Variants in FRMD8 observed in about 807,000 individuals in gnomAD.
The protein encoded by FRMD8 is FERM domain containing 8, also known as FERM domain-containing protein 8.
FRMD8 carries 37 observed loss-of-function variants against 54.2 expected under a neutral mutation model. The observed-to-expected ratio is 0.68, with a 90% CI of 0.53 to 0.90. The LOEUF is 0.90. FRMD8 is among the 40% of genes least tolerant of loss of function. The pLI, the probability that FRMD8 is intolerant of heterozygous loss-of-function variation, is 0.00. For synonymous variants in FRMD8, 246 were observed against 286.9 expected (o/e 0.86, Z 1.44); for missense variants, 585 against 653.7 (o/e 0.89, Z 1.15).
chr11:65,376,994 G>C, the FRMD8 span: 13 of 1,613,498 alleles, frequency 8.1e-6, no homozygotes, highest in African/African-American at 4.0e-5. Context: ...GTACCGGGGT[G>C]GGGGGCTCCC....
At chr11:65,376,941 C>T in the FRMD8 span, 1 of 1,613,344 alleles carries the variant, frequency 6.2e-7, no homozygotes, top group Admixed American at 1.7e-5. Flanking sequence ...CCCCGGGGCC[C>T]CTCCTCCCGG....
intron 6 of FRMD8, among the ~76,000 whole-genome samples, chr11:65,395,722 C>T (rs180824142): frequency 2.6e-5 from 4 of 152,212 alleles, no homozygotes; most frequent in African/African-American, 4.8e-5. Context: ...TGTAGGTTGG[C>T]GTTTTCACGT....
At chr11:65,399,898 G>T in intron 8 of FRMD8, 39 bp downstream of exon 8, 1 of 1,584,170 alleles carries the variant, frequency 6.3e-7, no homozygotes, top group East Asian at 2.3e-5. Context: ...GAGGATGGGA[G>T]GGGGCTCCTG....
the FRMD8 span, among the ~76,000 whole-genome samples, chr11:65,371,577 G>T: frequency 6.6e-6 from 1 of 152,116 alleles, no homozygotes; most frequent in African/African-American, 2.4e-5. Context: ...AAGCAATTTC[G>T]CATGCCTTAT....
rs776802792 is a variant in FRMD8, at chr11:65,393,675, G to A, written c.355+1G>A. On this transcript the variant is annotated splice_donor_variant, in intron 4 of 10. Coordinates refer to ENST00000317568, the MANE Select transcript of FRMD8 (RefSeq NM_031904.5). LOFTEE classifies it high-confidence loss of function. The stretch of plus-strand genomic sequence containing the variant: ...GCCCCAGACGATGACGTGGCCATGG[G>A]TCAGTGCTGCTGCCTGTCTGTCCTT... 1 of 1,601,988 alleles carries A rather than the reference G, an allele frequency of 6.2e-7. No homozygotes were observed. Among genetic ancestry groups the A allele is most frequent in the Non-Finnish European group, 8.5e-7 (1 of 1,177,598 alleles).
upstream of FRMD8, chr11:65,382,528 A>C (rs528723120): frequency 2.8e-4 from 43 of 153,836 alleles, 1 homozygote; most frequent in South Asian, 7.2e-3. This position sits in a 1 kb window ranked among gnomAD's most constrained non-coding sequence, Gnocchi z 4.4. Context: ...GACTCCCCCG[A>C]CTCCCCCGTG....
chr11:65,379,644 G>C, the FRMD8 span: 4 of 1,412,966 alleles, frequency 2.8e-6, no homozygotes, highest in Non-Finnish European at 3.8e-6. Context: ...GCAGCCTCTG[G>C]CTGGAAACTG....
In FRMD8 at chr11:65,402,279, G is replaced by T. The variant is rs377234077; in HGVS notation, c.1071+1412G>T. On this transcript the variant is annotated intron_variant, in intron 9 of 10. Transcript: ENST00000317568. ...TGAGGCACGAGAATCACTTGAACTGGGGAGGCAGAGATTGTGGTAAGCCGA... is the reference window on the plus strand; with the variant it reads ...TGAGGCACGAGAATCACTTGAACTGTGGAGGCAGAGATTGTGGTAAGCCGA... Among the ~76,000 whole-genome samples the T allele has an allele frequency of 3.4e-4, 51 of 152,058 alleles. No individual in the cohort carries two copies. The South Asian group carries it at 0.011, about 32-fold the overall frequency.
At chr11:65,405,270 G>A (rs531416423) in intron 10 of FRMD8, among the ~76,000 whole-genome samples, 63 of 152,366 alleles carry the variant, frequency 4.1e-4, no homozygotes, top group Non-Finnish European at 8.1e-4. Flanking sequence ...CTGCGTCACA[G>A]ACGTTCTGCA....
chr11:65,385,331 GATGTC>G (rs1411159248), upstream of FRMD8, among the ~76,000 whole-genome samples: 2 of 152,188 alleles, frequency 1.3e-5, no homozygotes, highest in Non-Finnish European at 2.9e-5. Flanking sequence ...AGGCAAATGT[GATGTC>G]ATGGGCTCAG....
Position 65,400,807 on chromosome 11 carries a change from G to T in FRMD8, c.1011G>T (p.Glu337Asp). 1 of 1,613,064 alleles carries T rather than the reference G, an allele frequency of 6.2e-7. No individual in the cohort carries two copies. The highest frequency in any genetic ancestry group is 8.5e-7 in the Non-Finnish European group (1 of 1,179,754). ...PEEEEPILWL[E>D]FDGDSEGTPV... ...AGGAGGAGCCCATCTTGTGGCTGGAGTTCGACGGGGACAGCGAGGGCACAC... is the reference window on the plus strand; with the variant it reads ...AGGAGGAGCCCATCTTGTGGCTGGATTTCGACGGGGACAGCGAGGGCACAC... The change falls in exon 9 of 11, where the codon GAG (glutamate) becomes GAT (aspartate). Residue 337 changes from glutamate (E) to aspartate (D), a missense_variant. Physicochemically the swap from Glu to Asp is conservative, Grantham distance 45. Coordinates refer to ENST00000317568, the MANE Select transcript of FRMD8 (RefSeq NM_031904.5). This position sits in a 1 kb window ranked among gnomAD's most constrained non-coding sequence, Gnocchi z 4.3.
At position 65,393,552 on chromosome 11, in the gene FRMD8, A is replaced by C. The variant is rs748883982; in HGVS notation, c.254-21A>C. 2.5e-6 allele frequency: 4 copies of C among 1,592,578 alleles called. No homozygotes were observed. In the East Asian group the frequency reaches 6.7e-5, roughly 27 times the overall value. ...GGACTGGCCGGAGGCTGCATGGGCC[A>C]CTCCCCATCTCGTCCTGCAGAGGTG... On this transcript the variant is annotated intron_variant, in intron 3 of 10. Coordinates refer to ENST00000317568, the MANE Select transcript of FRMD8 (RefSeq NM_031904.5).
At chr11:65,386,032 G>A (rs1172873700), upstream of FRMD8, among the ~76,000 whole-genome samples, 2 of 151,950 alleles carry the variant, frequency 1.3e-5, no homozygotes, top group African/African-American at 2.4e-5. Context: ...TCCTGACCTC[G>A]TGATCCGCCC....
chr11:65,410,358 G>A (rs1856302948), intron 10 of FRMD8, among the ~76,000 whole-genome samples: 1 of 151,496 alleles, frequency 6.6e-6, no homozygotes, highest in Non-Finnish European at 1.5e-5. Context: ...TAGTGTGCGT[G>A]GTGGCGCACA....
the FRMD8 span, among the ~76,000 whole-genome samples, chr11:65,373,880 G>A: frequency 6.6e-6 from 1 of 152,112 alleles, no homozygotes; most frequent in Admixed American, 6.5e-5. Context: ...GAACCACTGT[G>A]TCTGGCCAGA....
chr11:65,391,327 C>G (rs1855841642), intron 3 of FRMD8, among the ~76,000 whole-genome samples: 1 of 152,084 alleles, frequency 6.6e-6, no homozygotes, highest in South Asian at 2.1e-4. Context: ...TAAGGCTGGT[C>G]AGGGCTGGGC....
chr11:65,394,150 C>A, intron 5 of FRMD8, 51 bp downstream of exon 5: 1 of 1,606,868 alleles, frequency 6.2e-7, no homozygotes, highest in Non-Finnish European at 8.5e-7. Context: ...TTGTGCCCAG[C>A]CTCCCTGTCC....
At chr11:65,381,517 G>T in the FRMD8 span, 2 of 184,400 alleles carry the variant, frequency 1.1e-5, no homozygotes, top group Non-Finnish European at 2.2e-5. Context: ...CCTCAGCCTC[G>T]CAAAGTGCTG....
the FRMD8 span, among the ~76,000 whole-genome samples, chr11:65,372,601 T>G: frequency 2.6e-5 from 4 of 152,154 alleles, no homozygotes. Context: ...TTTTACTCCC[T>G]TGCTGTTTTG....
Sources: allele counts gnomAD v4.1 joint callset (sites outside exome capture counted in the v4.1 genomes callset), GRCh38; gene constraint gnomAD v4.1.1; non-coding constraint Gnocchi (gnomAD v3.1); transcripts MANE v1.5; gene names NCBI Gene and HGNC (gene_info 2026-07-23, HGNC 2026-07-21).